Variants in CPEB1 observed in about 807,000 individuals in gnomAD.
CPEB1 encodes cytoplasmic polyadenylation element binding protein 1, also known as cytoplasmic polyadenylation element-binding protein 1.
A neutral mutation model predicts 65.8 loss-of-function variants in CPEB1; 7 were observed. The ratio of observed to expected loss-of-function variants is 0.11; its 90% CI spans 0.06 to 0.20. The LOEUF (loss-of-function observed/expected upper bound fraction) is 0.20. Among genes scored for constraint, CPEB1 ranks in the 10% least tolerant of loss-of-function variants. The pLI is 1.00. For synonymous variants in CPEB1, 262 were observed against 260.0 expected, an observed-to-expected ratio of 1.01 and a Z score of -0.08; for missense variants, 551 against 712.2, an observed-to-expected ratio of 0.77 and a Z score of 2.58.
upstream of CPEB1, chr15:82,648,116 A>G (rs1437075541): frequency 2.8e-6 from 1 of 362,230 alleles, no homozygotes; most frequent in Non-Finnish European, 4.9e-6. Context: ...GGCCGAGCCG[A>G]GGAGGGCTCC....
rs534968367 is a variant in CPEB1, at chr15:82,574,722, CAAAAAAAA to C, written c.272-3198_272-3191del. ...TGGGCAACAGAGCTAGACTCGGTCT[CAAAAAAAA>C]AAAAAAAAAAAAAAAAAAAAATCAT... On this transcript the variant is annotated intron_variant, in intron 3 of 12. Coordinates refer to ENST00000684509, the MANE Select transcript of CPEB1 (RefSeq NM_001365242.1). Among the ~76,000 whole-genome samples the C allele has an allele frequency of 2.4e-4, 13 of 53,504 alleles. 1 individual carries two copies. The highest frequency in any genetic ancestry group is 8.8e-4 in the African/African-American group (12 of 13,680). 35.1% of individuals were successfully genotyped at this position (53,504 alleles called of 152,430 possible). A position where few individuals can be genotyped will look rare whatever the true frequency, so the allele number is the denominator to read the frequency against.
rs1220134987 is a variant in CPEB1 at position 82,552,679 on chromosome 15, C to A, written c.1145-63G>T. The A allele has an allele frequency of 1.9e-6, 3 of 1,566,314 alleles. No individual in the cohort carries two copies. In the East Asian group the frequency reaches 6.7e-5, roughly 35 times the overall value. ...TTAGGTGGCCACTCCTCAGCCTTGG[C>A]TTTGCAGCAGGGCGTTTCTTCCAAG... is the stretch of plus-strand genomic sequence containing the variant. On this transcript the variant is annotated intron_variant, in intron 8 of 12. Coordinates refer to ENST00000684509, the MANE Select transcript of CPEB1 (RefSeq NM_001365242.1).
intron 4 of CPEB1, among the ~76,000 whole-genome samples, chr15:82,559,052 T>C (rs1302392749): frequency 6.6e-6 from 1 of 152,094 alleles, no homozygotes; most frequent in African/African-American, 2.4e-5. Flanking sequence ...CTGGCTGTGA[T>C]TGGCCCCACT....
intron 6 of CPEB1, among the ~76,000 whole-genome samples, chr15:82,554,336 T>C (rs1323677657): frequency 6.6e-6 from 1 of 152,212 alleles, no homozygotes; most frequent in African/African-American, 2.4e-5. Context: ...ACAGTACTAA[T>C]TCATAATTAC....
intron 3 of CPEB1, among the ~76,000 whole-genome samples, chr15:82,615,537 A>T (rs2044628524): frequency 6.6e-6 from 1 of 152,212 alleles, no homozygotes; most frequent in Admixed American, 6.5e-5. Flanking sequence ...GCATAAAGGG[A>T]AAGAACCCTG....
At chr15:82,567,737 C>T (rs973642959) in intron 4 of CPEB1, among the ~76,000 whole-genome samples, 7 of 152,194 alleles carry the variant, frequency 4.6e-5, no homozygotes, top group African/African-American at 1.7e-4. Context: ...CTCTGGCAAC[C>T]TTAGACTGCA....
intron 3 of CPEB1, among the ~76,000 whole-genome samples, chr15:82,600,954 G>C (rs1024743980): frequency 3.0e-5 from 4 of 131,684 alleles, no homozygotes; most frequent in Non-Finnish European, 4.6e-5. Flanking sequence ...GCCCAGGCTA[G>C]AGTGCAGTGG....
intron 1 of CPEB1, among the ~76,000 whole-genome samples, chr15:82,646,255 G>A (rs919178658): frequency 1.3e-5 from 2 of 152,242 alleles, no homozygotes; most frequent in African/African-American, 4.8e-5. Flanking sequence ...CTGAGGGGCA[G>A]CCAAGAGGCG....
rs575477214 is a variant in CPEB1, at chr15:82,639,499, C to T, written c.-98+7638G>A. Reference sequence around the variant, plus strand: ...CTTTTGGGTCTGGCTTTTTTTTTTTCCCCACTTAACTTAGTATCTGACATG... The same window carrying T: ...CTTTTGGGTCTGGCTTTTTTTTTTTTCCCACTTAACTTAGTATCTGACATG... On this transcript the variant is annotated intron_variant, in intron 1 of 12. Coordinates refer to ENST00000684509, the MANE Select transcript of CPEB1 (RefSeq NM_001365242.1). Among the ~76,000 whole-genome samples, 32 of 149,632 alleles carry T rather than the reference C, an allele frequency of 2.1e-4. 1 individual carries two copies. In the East Asian group the frequency reaches 5.7e-3, roughly 26 times the overall value.
At chr15:82,601,098 G>C (rs1015974097) in intron 3 of CPEB1, among the ~76,000 whole-genome samples, 15 of 150,636 alleles carry the variant, frequency 1.0e-4, no homozygotes, top group Non-Finnish European at 2.2e-4. Context: ...TAGAGACAGG[G>C]TTTCGTCACG....
chr15:82,644,547 T>A (rs900533767), intron 1 of CPEB1, among the ~76,000 whole-genome samples: 3 of 152,148 alleles, frequency 2.0e-5, no homozygotes, highest in African/African-American at 7.2e-5. Flanking sequence ...GTGTTTAAAA[T>A]TTTTTTAATG....
At chr15:82,595,537 G>C (rs2042601679) in intron 3 of CPEB1, among the ~76,000 whole-genome samples, 2 of 152,088 alleles carry the variant, frequency 1.3e-5, no homozygotes, top group African/African-American at 4.8e-5. Context: ...AACAAAAAAG[G>C]GTAACTGCAA....
At chr15:82,641,861 T>C (rs1239446797) in intron 1 of CPEB1, among the ~76,000 whole-genome samples, 1 of 152,168 alleles carries the variant, frequency 6.6e-6, no homozygotes, top group Non-Finnish European at 1.5e-5. Context: ...AGGTCCAAGT[T>C]AATCAAAACC....
intron 3 of CPEB1, among the ~76,000 whole-genome samples, chr15:82,592,973 G>A (rs1051561249): frequency 9.2e-5 from 14 of 152,274 alleles, no homozygotes; most frequent in Non-Finnish European, 2.1e-4. Context: ...CTCCATCCTG[G>A]ACAACAGAGC....
intron 3 of CPEB1, among the ~76,000 whole-genome samples, chr15:82,573,531 C>T (rs2040318934): frequency 6.6e-6 from 1 of 152,108 alleles, no homozygotes; most frequent in Admixed American, 6.5e-5. Flanking sequence ...CTATTCTCCC[C>T]TACACCAAAT....
intron 3 of CPEB1, among the ~76,000 whole-genome samples, chr15:82,606,462 T>G (rs1327068554): frequency 1.5e-5 from 2 of 135,522 alleles, no homozygotes; most frequent in Non-Finnish European, 3.1e-5. Context: ...ACAGGGATAC[T>G]CCGTCTCAAA....
upstream of CPEB1, chr15:82,647,605 G>A (rs886965795): frequency 1.8e-5 from 6 of 327,498 alleles, no homozygotes; most frequent in Non-Finnish European, 2.8e-5. Flanking sequence ...AGGCCCCACC[G>A]GCCGCCCCCG....
intron 4 of CPEB1, among the ~76,000 whole-genome samples, chr15:82,568,505 T>C (rs1359787420): frequency 6.6e-6 from 1 of 152,180 alleles, no homozygotes; most frequent in African/African-American, 2.4e-5. Flanking sequence ...CCCCACAAAG[T>C]GTTACATCCA....
intron 1 of CPEB1, among the ~76,000 whole-genome samples, chr15:82,639,977 C>T (rs1298008489): frequency 6.6e-6 from 1 of 152,138 alleles, no homozygotes; most frequent in Non-Finnish European, 1.5e-5. Context: ...GGGAAAAGAA[C>T]ATTGGAAGCT....
Sources: gnomAD v4.1 joint callset for allele counts (sites outside exome capture counted in the v4.1 genomes callset) on GRCh38, gnomAD v4.1.1 for gene constraint, MANE v1.5 for transcripts, NCBI Gene and HGNC (gene_info 2026-07-23, HGNC 2026-07-21) for gene names.